Variants in NUP210 observed in about 807,000 individuals in gnomAD.
The protein encoded by NUP210 is nucleoporin 210.
In NUP210, 151 loss-of-function variants were observed where a neutral mutation model predicts 196.0. The observed-to-expected ratio is 0.77, with a 90% CI of 0.67 to 0.88. The LOEUF is 0.88. Ranked by LOEUF, NUP210 falls within the 40% of genes least tolerant of loss-of-function variation. NUP210 has a pLI of 0.00. For synonymous variants in NUP210, 1,070 were observed against 1,052.7 expected (o/e 1.02, Z -0.32); for missense variants, 2,314 against 2,493.7 (o/e 0.93, Z 1.53).
At chr3:13,346,959 C>T in intron 20 of NUP210, 1 of 967,648 alleles carries the variant, frequency 1.0e-6, no homozygotes, top group Non-Finnish European at 1.2e-6. Flanking sequence ...GCCCTGTGAC[C>T]TTCCCAAGGG....
rs1242398096 is a variant in NUP210 at position 13,358,306 on chromosome 3, T to C, written c.2244A>G (p.Pro748=). Residue 748 remains proline (P), a synonymous_variant, in exon 16 of 40, where the codon CCA becomes CCG. Transcript: ENST00000254508. ...CAGGCGCGAGGGTGAGCCTGGACGG[T>C]GGGGCGCAGACGAACTTCACCACGG... The part of the protein sequence containing the change: ...EPAVVKFVCA[P]PSRLTLAPVY... 4 of 1,613,232 alleles carry C rather than the reference T, an allele frequency of 2.5e-6. No individual in the cohort carries two copies. The highest frequency in any genetic ancestry group is 3.4e-6 in the Non-Finnish European group (4 of 1,179,776).
chr3:13,363,191 G>A (rs554627393), intron 14 of NUP210, among the ~76,000 whole-genome samples: 3 of 152,312 alleles, frequency 2.0e-5, no homozygotes, highest in African/African-American at 7.2e-5. Flanking sequence ...AAACTGTTAT[G>A]ATTATTAACT....
intron 4 of NUP210, among the ~76,000 whole-genome samples, chr3:13,389,373 G>C (rs1053498921): frequency 6.6e-6 from 1 of 152,218 alleles, no homozygotes; most frequent in Non-Finnish European, 1.5e-5. Flanking sequence ...GAGGGGCCCT[G>C]AGTGGATCAA....
intron 13 of NUP210, 66 bp downstream of exon 13, chr3:13,371,768 G>C: frequency 6.9e-7 from 1 of 1,452,934 alleles, no homozygotes; most frequent in Non-Finnish European, 9.4e-7. Flanking sequence ...GGCGGTCCAT[G>C]CTGAGAACCC....
At position 13,348,546 on chromosome 3, in the gene NUP210, C is replaced by T; in HGVS notation, c.2835+3333G>A. ...AAAATAAACAAAACAAGGCATATGT[C>T]AAGCAGTCAGAATTAAGATGTAAGA... On this transcript the variant is annotated intron_variant, in intron 20 of 39. Coordinates refer to ENST00000254508, the MANE Select transcript of NUP210 (RefSeq NM_024923.4). The surrounding 1 kb of genome is among the most constrained non-coding windows in gnomAD (Gnocchi z 4.0). 1 of 985,430 alleles carries T rather than the reference C, an allele frequency of 1.0e-6. No individual in the cohort carries two copies. Among genetic ancestry groups the T allele is most frequent in the Non-Finnish European group, 1.2e-6 (1 of 829,928 alleles). The allele number at this position is 985,430 out of a possible 1,614,324, so 61.0% of individuals were successfully genotyped here. A position where few individuals can be genotyped will look rare whatever the true frequency, so the allele number is the denominator to read the frequency against.
Position 13,317,525 on chromosome 3 carries a change from A to C in NUP210, c.*156T>G. 1 of 626,296 alleles carries C rather than the reference A, an allele frequency of 1.6e-6. No individual in the cohort carries two copies. 38.8% of individuals were successfully genotyped at this position (626,296 alleles called of 1,614,324 possible). A position where few individuals can be genotyped will look rare whatever the true frequency, so the allele number is the denominator to read the frequency against. The stretch of plus-strand genomic sequence containing the variant: ...AAATGAGCTAATGGGCAGAGCCGAA[A>C]CTACAGCTCTGTGTGAAGAGACGGC... On this transcript the variant is annotated 3_prime_UTR_variant, in exon 40 of 40. Transcript: ENST00000254508.
chr3:13,345,467 G>A (rs1426580964), intron 20 of NUP210, among the ~76,000 whole-genome samples: 1 of 152,222 alleles, frequency 6.6e-6, no homozygotes, highest in African/African-American at 2.4e-5. Flanking sequence ...GAACGGAACT[G>A]CGGGGCTGGG....
chr3:13,333,965 C>T (rs1260371590), intron 28 of NUP210, among the ~76,000 whole-genome samples: 1 of 151,786 alleles, frequency 6.6e-6, no homozygotes, highest in East Asian at 1.9e-4. Context: ...AGTGGCGGGG[C>T]CTGTGGCAAA....
In NUP210 at chr3:13,322,277, A is replaced by G. The variant is rs1287956952; in HGVS notation, c.4831T>C (p.Cys1611Arg). 6.2e-7 allele frequency: 1 copy of G among 1,614,216 alleles called. No individual in the cohort carries two copies. The highest frequency in any genetic ancestry group is 8.5e-7 in the Non-Finnish European group (1 of 1,180,032). ...QALHPETLIS[C>R]QSQFKPAVFD... ...ACGGCCGGCTTGAACTGGGACTGGC[A>G]GCTGATGAGGGTCTCTGGGTGCAAG... The change falls in exon 35 of 40, where the codon TGC becomes CGC. Residue 1611 changes from cysteine (C) to arginine (R), a missense_variant. Physicochemically the swap from Cys to Arg is radical, Grantham distance 180 (BLOSUM62 -3). Coordinates refer to ENST00000254508, the MANE Select transcript of NUP210 (RefSeq NM_024923.4).
In NUP210 at chr3:13,340,238, G is replaced by A. The variant is rs764313648; in HGVS notation, c.3289C>T (p.Gln1097Ter). 1 of 1,613,422 alleles carries A rather than the reference G, an allele frequency of 6.2e-7. No homozygotes were observed. The highest frequency in any genetic ancestry group is 1.1e-5 in the South Asian group (1 of 91,080). The change falls in exon 24 of 40, where the codon CAG becomes TAG. Residue 1097 changes from glutamine to a stop codon, truncating the protein, a stop_gained and splice_region_variant. Transcript: ENST00000254508. LOFTEE classifies it high-confidence loss of function. The surrounding 1 kb of genome is among the most constrained non-coding windows in gnomAD (Gnocchi z 4.0). Reference protein sequence around the residue: ...KVTLLIGATMQVTSEGGPQPQ... With the variant: ...KVTLLIGATM ...GGACGTGGCCTCTTGGCTCTCACCT[G>A]CATCGTGGCCCCGATAAGCAGTGTC...
Position 13,317,369 on chromosome 3 carries a change from G to T in NUP210, c.*312C>A, listed in dbSNP as rs1028744153. ...TTGAGAAGGGAAAGATTTTAGCAAGGCTAGGAAAATAAAAATGCAACAGCA... is the reference window on the plus strand; with the variant it reads ...TTGAGAAGGGAAAGATTTTAGCAAGTCTAGGAAAATAAAAATGCAACAGCA... On this transcript the variant is annotated 3_prime_UTR_variant, in exon 40 of 40. Transcript: ENST00000254508. 13 of 382,166 alleles carry T rather than the reference G, an allele frequency of 3.4e-5. No individual in the cohort carries two copies. Among genetic ancestry groups the T allele is most frequent in the East Asian group, 6.4e-5 (1 of 15,714 alleles). 23.7% of individuals were successfully genotyped at this position (382,166 alleles called of 1,614,324 possible).
In NUP210 at chr3:13,342,013, G is replaced by A; in HGVS notation, c.3075C>T (p.Ser1025=). Residue 1025 remains serine, a synonymous_variant, in exon 22 of 40, where the codon TCC becomes TCT. Transcript: ENST00000254508. ...GAACTCACACCAATGTAATGATCGG[G>A]GAGGCTGCTCGGAGCTTCAGGTCCA... The part of the protein sequence containing the change: ...PFMDLKLRAA[S]PIITLVALDE... The A allele has an allele frequency of 1.2e-6, 2 of 1,614,190 alleles. No individual in the cohort carries two copies. Among genetic ancestry groups the A allele is most frequent in the Non-Finnish European group, 1.7e-6 (2 of 1,180,036 alleles).
chr3:13,376,302 C>T lies in NUP210; in HGVS notation c.1282G>A (p.Val428Met). Residue 428 changes from valine to methionine, a missense_variant, in exon 10 of 40, where the codon GTG (valine) becomes ATG (methionine). Coordinates refer to ENST00000254508, the MANE Select transcript of NUP210 (RefSeq NM_024923.4). ...AGACACCAACTTGCCTGGTCCACCACAGAGGTGAGGGCCGCGTCAATGGCC... is the reference window on the plus strand; with the variant it reads ...AGACACCAACTTGCCTGGTCCACCATAGAGGTGAGGGCCGCGTCAATGGCC... Reference protein sequence around the residue: ...QTAIDAALTSVVDQDGGVHIL... With the variant: ...QTAIDAALTSMVDQDGGVHIL... The T allele has an allele frequency of 6.2e-7, 1 of 1,613,784 alleles. No individual in the cohort carries two copies. The highest frequency in any genetic ancestry group is 8.5e-7 in the Non-Finnish European group (1 of 1,180,038).
Position 13,319,121 on chromosome 3 carries a change from A to C in NUP210, c.5514T>G (p.Ala1838=). The C allele has an allele frequency of 6.2e-7, 1 of 1,609,450 alleles. No homozygotes were observed. Among genetic ancestry groups the C allele is most frequent in the Non-Finnish European group, 8.5e-7 (1 of 1,177,976 alleles). Residue 1838 remains alanine, a synonymous_variant, in exon 39 of 40, where the codon GCT becomes GCG. Coordinates refer to ENST00000254508, the MANE Select transcript of NUP210 (RefSeq NM_024923.4). ...CTCGAGGCGTGAGGGCTGCAGGCAC[A>C]GCAAGATCCCGGGGCGTGCAGACAG... ...YHTVCTPRDL[A]VPAALTPRAS... is the part of the protein sequence containing the mutation.
rs759378680 is a variant in NUP210, at chr3:13,319,964, G to A, written c.5182C>T (p.Pro1728Ser). Reference sequence around the variant, plus strand: ...TCCTTTGCGAATGCCAGCACGGCCGGGGACCCGGATTTCACCTGGAAGAGA... The same window carrying A: ...TCCTTTGCGAATGCCAGCACGGCCGAGGACCCGGATTTCACCTGGAAGAGA... ...LENLEVKSGS[P>S]AVLAFAKEKS... The change falls in exon 37 of 40, where the codon CCG becomes TCG. Residue 1728 changes from proline to serine, a missense_variant. Physicochemically the swap from Pro to Ser is moderately conservative, Grantham distance 74. Transcript: ENST00000254508. 20 of 1,613,806 alleles carry A rather than the reference G, an allele frequency of 1.2e-5. No individual in the cohort carries two copies. Among genetic ancestry groups the A allele is most frequent in the Non-Finnish European group, 1.7e-5 (20 of 1,180,030 alleles).
Position 13,327,312 on chromosome 3 carries a change from G to A in NUP210, c.4412C>T (p.Pro1471Leu), listed in dbSNP as rs772634199. Reference sequence around the variant, plus strand: ...GGAGATGGCCTGTAGGACAGGCAGGGGCATGAAGTCCGAGAGGCCCGGGTG... The same window carrying A: ...GGAGATGGCCTGTAGGACAGGCAGGAGCATGAAGTCCGAGAGGCCCGGGTG... ...AEHPGLSDFM[P>L]LPVLQAISPE... Residue 1471 changes from proline to leucine, a missense_variant, in exon 32 of 40, where the codon CCC becomes CTC. By Grantham distance (98) the Pro-to-Leu change is moderately conservative. Transcript: ENST00000254508. 2.5e-6 allele frequency: 4 copies of A among 1,613,450 alleles called. No individual in the cohort carries two copies. In the South Asian group the frequency reaches 3.3e-5, roughly 13 times the overall value.
chr3:13,382,278 A>T (rs1699128921), intron 6 of NUP210, among the ~76,000 whole-genome samples: 1 of 152,202 alleles, frequency 6.6e-6, no homozygotes, highest in African/African-American at 2.4e-5. Context: ...AGCACTAAGG[A>T]CTGGAGATGG....
At chr3:13,341,638 C>G (rs1334461471) in intron 23 of NUP210, 110 bp downstream of exon 23, 3 of 1,302,956 alleles carry the variant, frequency 2.3e-6, no homozygotes, top group Non-Finnish European at 3.2e-6. Flanking sequence ...TTGTGGGACA[C>G]AGATTTTTAT....
intron 3 of NUP210, among the ~76,000 whole-genome samples, chr3:13,392,929 A>G (rs1272417761): frequency 6.6e-6 from 1 of 150,656 alleles, no homozygotes; most frequent in Admixed American, 6.6e-5. Context: ...TGCCTTCCAG[A>G]GTCAGAGCCC....
Sources: allele counts gnomAD v4.1 joint callset (sites outside exome capture counted in the v4.1 genomes callset), GRCh38; gene constraint gnomAD v4.1.1; non-coding constraint Gnocchi (gnomAD v3.1); transcripts MANE v1.5; gene names NCBI Gene and HGNC (gene_info 2026-07-23, HGNC 2026-07-21).